HUWE1: variants seen among roughly 807,000 people sequenced by gnomAD.
HUWE1 encodes HECT, UBA and WWE domain containing E3 ubiquitin protein ligase 1, also known as E3 ubiquitin-protein ligase HUWE1.
In HUWE1, 18 loss-of-function variants were observed where a neutral mutation model predicts 299.4. The ratio of observed to expected loss-of-function variants is 0.06; its 90% CI spans 0.04 to 0.09. The LOEUF is 0.09. Among genes scored for constraint, HUWE1 ranks in the 10% least tolerant of loss-of-function variants. The pLI is 1.00. For missense variants in HUWE1, 1,832 were observed against 3,462.3 expected (o/e 0.53, Z 11.82); for synonymous variants, 1,317 against 1,286.1 (o/e 1.02, Z -0.51).
At position 53,559,972 on chromosome X, in the gene HUWE1, C is replaced by T. The variant is rs868931415; in HGVS notation, c.7736+216G>A. 3.6e-5 allele frequency among the ~76,000 whole-genome samples: 4 copies of T among 112,493 alleles called. No homozygotes were observed. In the Middle Eastern group the frequency reaches 0.014, roughly 391 times the overall value. ...ACACTTAATAATTGCTAAATACATG[C>T]GCAGAACTATTGACATAATTTGGTA... On this transcript the variant is annotated intron_variant, in intron 56 of 83. Coordinates refer to ENST00000262854, the MANE Select transcript of HUWE1 (RefSeq NM_031407.7).
intron 7 of HUWE1, among the ~76,000 whole-genome samples, chrX:53,635,502 T>C (rs1477661408): frequency 1.8e-5 from 2 of 110,822 alleles, no homozygotes; most frequent in Non-Finnish European, 3.8e-5. Flanking sequence ...TTAAAAATGT[T>C]TGTAGGAGCC....
chrX:53,600,026 T>G (rs1487506648), intron 29 of HUWE1, 92 bp downstream of exon 29: 24 of 845,862 alleles, frequency 2.8e-5, no homozygotes, highest in Non-Finnish European at 4.1e-5. Context: ...TTAAACTTCC[T>G]TAGGTGAAAC....
intron 36 of HUWE1, 56 bp downstream of exon 36, chrX:53,589,491 C>A (rs2064040552): frequency 1.8e-6 from 2 of 1,127,158 alleles, no homozygotes; most frequent in South Asian, 3.6e-5. Flanking sequence ...CAGGTTTTGA[C>A]ACAGGCAGGC....
chrX:53,555,891 C>CT (rs2061992365), intron 60 of HUWE1, among the ~76,000 whole-genome samples: 1 of 111,022 alleles, frequency 9.0e-6, no homozygotes, highest in Non-Finnish European at 1.9e-5. Context: ...ATCCACCCGC[C>CT]TCGGCCTCCC....
chrX:53,551,660 C>T (rs184528226), intron 63 of HUWE1, among the ~76,000 whole-genome samples, 180 bp from the exon 64 acceptor site: 70 of 111,050 alleles, frequency 6.3e-4, no homozygotes, highest in Non-Finnish European at 9.3e-4. Context: ...CAGGCATGCA[C>T]CAAAATGCCT....
chrX:53,610,152 T>C (rs1379265276), intron 23 of HUWE1, among the ~76,000 whole-genome samples: 3 of 111,569 alleles, frequency 2.7e-5, no homozygotes, highest in Middle Eastern at 4.2e-3. Context: ...ATTACCTATA[T>C]AGATCCACCT....
At position 53,542,427 on chromosome X, in the gene HUWE1, AG is replaced by A. The variant is rs782099536; in HGVS notation, c.11476+15del. 1.0e-4 allele frequency: 109 copies of A among 1,081,058 alleles called. No homozygotes were observed. The African/African-American group carries it at 1.9e-3, about 19-fold the overall frequency. The allele number at this position is 1,081,058 out of a possible 1,213,427, so 89.1% of individuals were successfully genotyped here. On this transcript the variant is annotated intron_variant, in intron 74 of 83. Coordinates refer to ENST00000262854, the MANE Select transcript of HUWE1 (RefSeq NM_031407.7). ...CTATCCCTTTTGCTCGGCTGGAAAC[AG>A]GAAGTAGTACTGACCAATGGATTGA...
At chrX:53,631,385 C>A in intron 11 of HUWE1, 29 bp downstream of exon 11, 1 of 1,065,242 alleles carries the variant, frequency 9.4e-7, no homozygotes, top group Non-Finnish European at 1.3e-6. Context: ...ACAACCACAT[C>A]CTGTGGATGT....
chrX:53,662,781 G>A (rs2069068588), intron 3 of HUWE1, among the ~76,000 whole-genome samples: 1 of 112,021 alleles, frequency 8.9e-6, no homozygotes, highest in African/African-American at 3.2e-5. Context: ...CCGCAACTGA[G>A]TTATTTGCTC....
At position 53,570,483 on chromosome X, in the gene HUWE1, T is replaced by C. The variant is rs974223393; in HGVS notation, c.6313-656A>G. Among the ~76,000 whole-genome samples the C allele has an allele frequency of 1.3e-4, 15 of 112,354 alleles. No homozygotes were observed. The East Asian group carries it at 4.2e-3, about 31-fold the overall frequency. ...ATAAACCCTTCAGTGTTCAATTAAA[T>C]TGAAATTATTTACTGACACCTACAA... On this transcript the variant is annotated intron_variant, in intron 47 of 83. Transcript: ENST00000262854.
chrX:53,617,481 G>T, intron 19 of HUWE1, 35 bp from the exon 20 acceptor site: 1 of 875,432 alleles, frequency 1.1e-6, no homozygotes, highest in Non-Finnish European at 1.7e-6. Context: ...AAAACTGAGA[G>T]ATTCCTCACA....
intron 3 of HUWE1, among the ~76,000 whole-genome samples, chrX:53,668,984 C>T (rs1557048524): frequency 8.9e-6 from 1 of 112,588 alleles, no homozygotes; most frequent in Non-Finnish European, 1.9e-5. Flanking sequence ...AAACAGTCTA[C>T]TAAATAATGT....
At chrX:53,576,448 C>T (rs1569460029) in intron 44 of HUWE1, among the ~76,000 whole-genome samples, 2 of 111,857 alleles carry the variant, frequency 1.8e-5, no homozygotes, top group Admixed American at 9.4e-5. Flanking sequence ...ATATTGCCTC[C>T]AGCTCTTCAG....
intron 43 of HUWE1, among the ~76,000 whole-genome samples, chrX:53,579,030 G>GA (rs2063432538): frequency 2.2e-5 from 1 of 45,107 alleles, no homozygotes; most frequent in African/African-American, 9.7e-5. Flanking sequence ...GGAGGGAGGC[G>GA]GGGGGGGGGG....
chrX:53,656,031 AGTGG>A (rs2068726783), intron 3 of HUWE1, among the ~76,000 whole-genome samples: 1 of 111,726 alleles, frequency 9.0e-6, no homozygotes, highest in Non-Finnish European at 1.9e-5. Context: ...GGATGGGCGC[AGTGG>A]CTCACTGCAC....
intron 27 of HUWE1, among the ~76,000 whole-genome samples, chrX:53,603,140 C>T (rs782734554): frequency 1.8e-5 from 2 of 111,669 alleles, no homozygotes; most frequent in African/African-American, 6.5e-5. Flanking sequence ...CGTGAGCCAC[C>T]GTGTCCAGCC....
chrX:53,632,431 A>T, intron 9 of HUWE1, 56 bp downstream of exon 9: 1 of 880,386 alleles, frequency 1.1e-6, no homozygotes, highest in Non-Finnish European at 1.7e-6. Context: ...TAGAAGAGGC[A>T]ATCCCAGTTA....
In HUWE1 at chrX:53,627,898, G is replaced by C. The variant is rs782218686; in HGVS notation, c.1243-19C>G. On this transcript the variant is annotated intron_variant, in intron 15 of 83. Coordinates refer to ENST00000262854, the MANE Select transcript of HUWE1 (RefSeq NM_031407.7). ...TTATGACCTATCACGGAGAAAAAGA[G>C]GCAAAAACAATGAACTATAAAGACA... is the stretch of plus-strand genomic sequence containing the variant. 9 of 1,201,348 alleles carry C rather than the reference G, an allele frequency of 7.5e-6. No homozygotes were observed. The South Asian group carries it at 1.6e-4, about 21-fold the overall frequency.
chrX:53,604,826 T>C lies in HUWE1; in HGVS notation c.2505A>G (p.Ser835=). 8.3e-7 allele frequency: 1 copy of C among 1,205,208 alleles called. No homozygotes were observed. The highest frequency in any genetic ancestry group is 1.1e-6 in the Non-Finnish European group (1 of 889,362). ...AGVCKSILTL[S]HEPKVLQEGL... ...CCTCTTGAAGGACTTTGGGTTCATG[T>C]GACAGTGTCTGAAACAGGAAGAATA... Residue 835 remains serine, a synonymous_variant, in exon 26 of 84, where the codon TCA becomes TCG. Transcript: ENST00000262854.
Sources: gnomAD v4.1 joint callset for allele counts (sites outside exome capture counted in the v4.1 genomes callset) on GRCh38, gnomAD v4.1.1 for gene constraint, MANE v1.5 for transcripts, NCBI Gene and HGNC (gene_info 2026-07-23, HGNC 2026-07-21) for gene names.